CYP7B1: variants seen among roughly 807,000 people sequenced by gnomAD.
The protein encoded by CYP7B1 is cytochrome P450 7B1.
A neutral mutation model predicts 42.7 loss-of-function variants in CYP7B1; 29 were observed. That is an observed-to-expected ratio of 0.68 (90% confidence interval 0.51 to 0.93). The LOEUF (loss-of-function observed/expected upper bound fraction) is 0.93, where lower values mean the gene tolerates loss of function less well. CYP7B1 is among the 40% of genes least tolerant of loss of function. The probability of loss-of-function intolerance (pLI) is 0.00; values close to 1 mark genes in which losing one functional copy is unlikely to be tolerated. For synonymous variants in CYP7B1, 235 were observed against 218.2 expected, an observed-to-expected ratio of 1.08 and a Z score of -0.68; for missense variants, 655 against 600.5, an observed-to-expected ratio of 1.09 and a Z score of -0.95.
intron 1 of CYP7B1, among the ~76,000 whole-genome samples, chr8:64,647,559 C>G (rs1045187487): frequency 3.3e-5 from 5 of 152,290 alleles, no homozygotes; most frequent in African/African-American, 1.2e-4. Context: ...TTTTGGCAAG[C>G]TGGAGACCCA....
chr8:64,691,482 T>TG (rs377598990), intron 1 of CYP7B1, among the ~76,000 whole-genome samples: 16,063 of 53,052 alleles, frequency 0.3, 4,230 homozygotes, highest in African/African-American at 0.39. Flanking sequence ...CGATGGCAAC[T>TG]GGGGGGGGGG....
chr8:64,730,097 T>G (rs1358478025), intron 1 of CYP7B1, among the ~76,000 whole-genome samples: 1 of 152,208 alleles, frequency 6.6e-6, no homozygotes, highest in Admixed American at 6.5e-5. Context: ...AGTCTCGCTC[T>G]GTCACCCAGG....
chr8:64,691,485 G>GGC lies in CYP7B1; in HGVS notation c.123-66947_123-66946insGC, dbSNP rs1387155729. ...AACGTATGGTTGCGATGGCAACTGG[G>GGC]GGGGGGGGGTGGTGGTTAAAGCTGG... On this transcript the variant is annotated intron_variant, in intron 1 of 5. Coordinates refer to ENST00000310193, the MANE Select transcript of CYP7B1 (RefSeq NM_004820.5). 5.4e-5 allele frequency among the ~76,000 whole-genome samples: 8 copies of GGC among 149,372 alleles called. 1 individual carries two copies. The highest frequency in any genetic ancestry group is 3.4e-3 in the Middle Eastern group (1 of 290).
At chr8:64,756,494 T>C (rs1807810508) in intron 1 of CYP7B1, among the ~76,000 whole-genome samples, 1 of 152,212 alleles carries the variant, frequency 6.6e-6, no homozygotes, top group Non-Finnish European at 1.5e-5. Flanking sequence ...TAGGAAGAAC[T>C]ATCAAAGAGT....
chr8:64,785,138 G>A (rs1210291977), intron 1 of CYP7B1, among the ~76,000 whole-genome samples: 1 of 152,156 alleles, frequency 6.6e-6, no homozygotes, highest in African/African-American at 2.4e-5. Context: ...TCAGGGAACT[G>A]AAAATTAAAA....
intron 1 of CYP7B1, among the ~76,000 whole-genome samples, chr8:64,658,234 A>T (rs575955806): frequency 6.6e-6 from 1 of 152,310 alleles, no homozygotes; most frequent in Admixed American, 6.5e-5. Context: ...ATAATCAATG[A>T]AGAATATTAT....
intron 1 of CYP7B1, among the ~76,000 whole-genome samples, chr8:64,750,065 T>G (rs936596824): frequency 2.6e-5 from 4 of 152,214 alleles, no homozygotes; most frequent in Non-Finnish European, 4.4e-5. Flanking sequence ...AGCCATACAA[T>G]CTGTAATGAT....
At chr8:64,730,082 G>T (rs1461453835) in intron 1 of CYP7B1, among the ~76,000 whole-genome samples, 1 of 151,934 alleles carries the variant, frequency 6.6e-6, no homozygotes, top group Non-Finnish European at 1.5e-5. Flanking sequence ...GATTGATTGA[G>T]ACAGAGTCTC....
chr8:64,588,374 T>G (rs1455106620), downstream of CYP7B1, among the ~76,000 whole-genome samples: 1 of 152,200 alleles, frequency 6.6e-6, no homozygotes, highest in Admixed American at 6.5e-5. Context: ...TCCGTATAAG[T>G]TTTAGAAGAA....
chr8:64,621,840 A>T (rs1805535187), intron 2 of CYP7B1, among the ~76,000 whole-genome samples: 1 of 149,774 alleles, frequency 6.7e-6, no homozygotes, highest in Admixed American at 6.7e-5. Context: ...GGTTCAAGCG[A>T]TTCTCTGGCC....
At chr8:64,744,109 T>C (rs1204913632) in intron 1 of CYP7B1, among the ~76,000 whole-genome samples, 1 of 152,168 alleles carries the variant, frequency 6.6e-6, no homozygotes, top group Non-Finnish European at 1.5e-5. Context: ...ATCCTTTATA[T>C]TGGCTTTTTT....
intron 4 of CYP7B1, among the ~76,000 whole-genome samples, chr8:64,612,165 C>T (rs1805372705): frequency 2.6e-5 from 4 of 151,906 alleles, no homozygotes; most frequent in South Asian, 2.1e-4. Flanking sequence ...TATCTAAACC[C>T]GCAGTTCTAA....
At chr8:64,632,664 G>A (rs183814432) in intron 1 of CYP7B1, among the ~76,000 whole-genome samples, 1 of 152,072 alleles carries the variant, frequency 6.6e-6, no homozygotes, top group African/African-American at 2.4e-5. Flanking sequence ...AAAACTCCTA[G>A]CACAATAGAA....
intron 1 of CYP7B1, among the ~76,000 whole-genome samples, chr8:64,713,527 T>C (rs1807111374): frequency 6.6e-6 from 1 of 151,786 alleles, no homozygotes; most frequent in African/African-American, 2.4e-5. Flanking sequence ...AAATGGAAGA[T>C]ACAAAAAATG....
At chr8:64,681,425 C>A (rs981375059) in intron 1 of CYP7B1, among the ~76,000 whole-genome samples, 1 of 152,154 alleles carries the variant, frequency 6.6e-6, no homozygotes, top group Non-Finnish European at 1.5e-5. Context: ...AGCTTCACCT[C>A]CTGATATTCA....
chr8:64,665,559 G>GTTTTTT lies in CYP7B1; in HGVS notation c.123-41026_123-41021dup, dbSNP rs540578806. ...ATTTTAAGTGTTTTTTTTTTTGGTG[G>GTTTTTT]TTTTTTTTTTTTTTTTTTTTTTTTT... On this transcript the variant is annotated intron_variant, in intron 1 of 5. Coordinates refer to ENST00000310193, the MANE Select transcript of CYP7B1 (RefSeq NM_004820.5). 6.8e-3 allele frequency among the ~76,000 whole-genome samples: 353 copies of GTTTTTT among 52,058 alleles called. 32 individuals carry two copies. Among genetic ancestry groups the GTTTTTT allele is most frequent in the Non-Finnish European group, 8.3e-3 (261 of 31,380 alleles). 34.2% of individuals were successfully genotyped at this position (52,058 alleles called of 152,430 possible). A position where few individuals can be genotyped will look rare whatever the true frequency, so the allele number is the denominator to read the frequency against.
chr8:64,603,986 A>G (rs552375202), intron 5 of CYP7B1, among the ~76,000 whole-genome samples: 1 of 152,328 alleles, frequency 6.6e-6, no homozygotes, highest in Non-Finnish European at 1.5e-5. Context: ...ACACAGGCAG[A>G]ATAGGACTGC....
At chr8:64,643,021 C>T (rs966736057) in intron 1 of CYP7B1, among the ~76,000 whole-genome samples, 2 of 151,006 alleles carry the variant, frequency 1.3e-5, no homozygotes, top group South Asian at 4.2e-4. Context: ...CTCATATGGC[C>T]ATACAGTTTT....
intron 1 of CYP7B1, chr8:64,734,478 C>T (rs1807457655): frequency 6.6e-6 from 1 of 152,184 alleles, no homozygotes; most frequent in African/African-American, 2.4e-5. Context: ...GGAAACCAGG[C>T]CTACCTGGTT....
Sources: allele counts gnomAD v4.1 joint callset (sites outside exome capture counted in the v4.1 genomes callset), GRCh38; gene constraint gnomAD v4.1.1; transcripts MANE v1.5; gene names NCBI Gene and HGNC (gene_info 2026-07-23, HGNC 2026-07-21).